CNTNAP5: variants seen among roughly 807,000 people sequenced by gnomAD.
The protein encoded by CNTNAP5 is contactin associated protein family member 5.
CNTNAP5 carries 72 observed loss-of-function variants against 150.2 expected under a neutral mutation model. That is an observed-to-expected ratio of 0.48 (90% CI 0.40 to 0.58). The LOEUF (loss-of-function observed/expected upper bound fraction) is 0.58. Among genes scored for constraint, CNTNAP5 ranks in the 20% least tolerant of loss-of-function variants. The pLI is 0.00. For synonymous variants in CNTNAP5, 672 were observed against 619.8 expected (o/e 1.08, Z -1.25); for missense variants, 1,636 against 1,626.2 (o/e 1.01, Z -0.10).
At chr2:124,042,031 C>G (rs1490608639) in intron 1 of CNTNAP5, among the ~76,000 whole-genome samples, 1 of 151,978 alleles carries the variant, frequency 6.6e-6, no homozygotes, top group East Asian at 1.9e-4. Context: ...CAACTAATTT[C>G]TGTATTTTCA....
At chr2:124,045,506 C>T (rs1681508299) in intron 1 of CNTNAP5, among the ~76,000 whole-genome samples, 1 of 151,900 alleles carries the variant, frequency 6.6e-6, no homozygotes, top group African/African-American at 2.4e-5. Context: ...CCATGTTGGT[C>T]AGGCTGGTCT....
intron 13 of CNTNAP5, among the ~76,000 whole-genome samples, chr2:124,706,798 G>GAAAAAGA (rs1558743008): frequency 1.4e-4 from 1 of 7,326 alleles, no homozygotes; most frequent in African/African-American, 3.6e-4. Context: ...GAAGAAGAAG[G>GAAAAAGA]AGGAGGAGGA....
chr2:124,387,514 G>T (rs193079188), intron 3 of CNTNAP5, among the ~76,000 whole-genome samples: 1 of 152,120 alleles, frequency 6.6e-6, no homozygotes, highest in Non-Finnish European at 1.5e-5. Flanking sequence ...TGGGTTAGGC[G>T]GTGAAGTTAA....
chr2:124,633,167 T>C (rs12987253), intron 12 of CNTNAP5, among the ~76,000 whole-genome samples: 63,237 of 151,958 alleles, frequency 0.42, 15,458 homozygotes, highest in Non-Finnish European at 0.56. Flanking sequence ...CAATCATGCC[T>C]ACCCAACAGT....
chr2:124,626,584 C>T (rs910545313), intron 12 of CNTNAP5, among the ~76,000 whole-genome samples: 2 of 152,088 alleles, frequency 1.3e-5, no homozygotes, highest in African/African-American at 4.8e-5. Flanking sequence ...GAGATTCCCT[C>T]GTGAGCCTAC....
chr2:124,376,736 T>G (rs116434352), intron 3 of CNTNAP5, among the ~76,000 whole-genome samples: 14 of 152,236 alleles, frequency 9.2e-5, no homozygotes, highest in Non-Finnish European at 1.8e-4. Flanking sequence ...TCCAATTTCT[T>G]TTATTTTTCA....
At chr2:124,839,308 T>C (rs973212417) in intron 19 of CNTNAP5, among the ~76,000 whole-genome samples, 6 of 152,052 alleles carry the variant, frequency 3.9e-5, no homozygotes, top group African/African-American at 1.2e-4. Flanking sequence ...AGAGGGGCTG[T>C]GAGCAGACTG....
intron 10 of CNTNAP5, among the ~76,000 whole-genome samples, chr2:124,551,345 A>G (rs928993515): frequency 2.0e-5 from 3 of 152,178 alleles, no homozygotes; most frequent in African/African-American, 7.2e-5. Flanking sequence ...TGCTGTAATT[A>G]CAACAAATTT....
At chr2:124,706,811 A>G (rs1679658749) in intron 13 of CNTNAP5, among the ~76,000 whole-genome samples, 2 of 9,590 alleles carry the variant, frequency 2.1e-4, no homozygotes, top group Admixed American at 1.3e-3. Flanking sequence ...GAGGAGGAGG[A>G]GGAGGAGGAG....
chr2:124,425,803 GGCTC>G (rs1486953569), intron 4 of CNTNAP5, among the ~76,000 whole-genome samples: 4 of 152,254 alleles, frequency 2.6e-5, no homozygotes, highest in African/African-American at 9.6e-5. Context: ...TCGGTGGCAT[GGCTC>G]ACGTCTTTGT....
At chr2:124,347,694 A>G (rs1689774301) in intron 3 of CNTNAP5, among the ~76,000 whole-genome samples, 1 of 152,172 alleles carries the variant, frequency 6.6e-6, no homozygotes, top group South Asian at 2.1e-4. Flanking sequence ...CTAATTCACA[A>G]CAAGCATTGC....
At chr2:124,803,915 A>G (rs1417272804) in intron 19 of CNTNAP5, among the ~76,000 whole-genome samples, 2 of 152,114 alleles carry the variant, frequency 1.3e-5, no homozygotes, top group Admixed American at 1.3e-4. Context: ...CCCTGACACC[A>G]GCATATGCTT....
intron 13 of CNTNAP5, among the ~76,000 whole-genome samples, chr2:124,719,130 T>A (rs2105113859): frequency 6.6e-6 from 1 of 152,254 alleles, no homozygotes; most frequent in Non-Finnish European, 1.5e-5. Flanking sequence ...AAATTTAACT[T>A]ATTTTCCTTA....
At chr2:124,351,903 T>C (rs1366567121) in intron 3 of CNTNAP5, among the ~76,000 whole-genome samples, 1 of 152,068 alleles carries the variant, frequency 6.6e-6, no homozygotes, top group Non-Finnish European at 1.5e-5. Flanking sequence ...GGTAGTTACA[T>C]GGAGGAGTAA....
intron 1 of CNTNAP5, among the ~76,000 whole-genome samples, chr2:124,037,044 G>C (rs1318948063): frequency 6.6e-6 from 1 of 152,220 alleles, no homozygotes; most frequent in African/African-American, 2.4e-5. Flanking sequence ...TAGACCCACA[G>C]ATTCTGCCCC....
At chr2:124,343,455 T>C (rs541468773) in intron 3 of CNTNAP5, among the ~76,000 whole-genome samples, 32 of 152,298 alleles carry the variant, frequency 2.1e-4, no homozygotes, top group African/African-American at 7.7e-4. Context: ...AAAAGTTAGT[T>C]TGGGGGTCGA....
intron 3 of CNTNAP5, among the ~76,000 whole-genome samples, chr2:124,353,651 T>A (rs1178619753): frequency 6.6e-6 from 1 of 152,208 alleles, no homozygotes; most frequent in Non-Finnish European, 1.5e-5. Flanking sequence ...ACGAATTTTC[T>A]CACTTCTAGA....
At chr2:124,404,089 T>C (rs1171162044) in intron 3 of CNTNAP5, among the ~76,000 whole-genome samples, 2 of 152,170 alleles carry the variant, frequency 1.3e-5, no homozygotes, top group Non-Finnish European at 2.9e-5. Flanking sequence ...TCCGCAGGGA[T>C]GTTAGGATTA....
At chr2:124,747,499 C>A in intron 14 of CNTNAP5, 114 bp downstream of exon 14, 1 of 1,236,098 alleles carries the variant, frequency 8.1e-7, no homozygotes, top group Non-Finnish European at 1.2e-6. Context: ...TGGAGCTCCC[C>A]CGATGGTGAC....
Sources: allele counts gnomAD v4.1 joint callset (sites outside exome capture counted in the v4.1 genomes callset), GRCh38; gene constraint gnomAD v4.1.1; transcripts MANE v1.5; gene names NCBI Gene and HGNC (gene_info 2026-07-23, HGNC 2026-07-21).